TAOK1: variants seen among roughly 807,000 people sequenced by gnomAD.
TAOK1 encodes TAO kinase 1.
Under a neutral mutation model 138.3 loss-of-function variants are expected in TAOK1, and 21 were observed. The observed-to-expected ratio is 0.15, with a 90% CI of 0.11 to 0.22. The LOEUF (loss-of-function observed/expected upper bound fraction) is 0.22. Ranked by LOEUF, TAOK1 falls within the 10% of genes least tolerant of loss-of-function variation. The pLI, the probability that TAOK1 is intolerant of heterozygous loss-of-function variation, is 1.00. For missense variants in TAOK1, 651 were observed against 1,227.7 expected (o/e 0.53, Z 7.02); for synonymous variants, 361 against 398.4 (o/e 0.91, Z 1.12).
chr17:29,456,339 G>T (rs941921127), intron 2 of TAOK1, among the ~76,000 whole-genome samples: 6 of 150,000 alleles, frequency 4.0e-5, no homozygotes, highest in Non-Finnish European at 7.4e-5. Context: ...GGGATAGAGC[G>T]AGACTCTGTC....
intron 15 of TAOK1, chr17:29,511,209 CT>C: frequency 3.5e-6 from 1 of 286,720 alleles, no homozygotes. Context: ...TGAAAATATA[CT>C]TTTTTTATGT....
intron 1 of TAOK1, among the ~76,000 whole-genome samples, chr17:29,392,061 A>G (rs1904450312): frequency 6.6e-6 from 1 of 152,112 alleles, no homozygotes; most frequent in South Asian, 2.1e-4. Context: ...CTAAAAATAC[A>G]AAAAATTAGC....
intron 15 of TAOK1, chr17:29,512,705 C>CA (rs1835679409): frequency 1.5e-5 from 2 of 132,232 alleles, no homozygotes; most frequent in Admixed American, 1.6e-4. Context: ...TTTTTGGAGA[C>CA]AGAGTCTTGC....
chr17:29,508,803 T>G (rs1193434098), intron 14 of TAOK1, among the ~76,000 whole-genome samples: 1 of 152,198 alleles, frequency 6.6e-6, no homozygotes, highest in Non-Finnish European at 1.5e-5. Flanking sequence ...ATAATTGTCA[T>G]TATTTTACAT....
chr17:29,420,616 G>A (rs572679898), intron 1 of TAOK1, among the ~76,000 whole-genome samples: 12 of 112,302 alleles, frequency 1.1e-4, no homozygotes, highest in African/African-American at 3.6e-4. Flanking sequence ...ACGAAGTTTC[G>A]CTCTTGTTGC....
intron 3 of TAOK1, among the ~76,000 whole-genome samples, chr17:29,469,333 A>G (rs1019760884): frequency 6.6e-6 from 1 of 152,150 alleles, no homozygotes; most frequent in Admixed American, 6.5e-5. Flanking sequence ...AAAATACAAC[A>G]TAAAATTTGC....
intron 1 of TAOK1, among the ~76,000 whole-genome samples, chr17:29,393,849 A>T (rs1270666523): frequency 1.3e-5 from 2 of 152,192 alleles, no homozygotes; most frequent in African/African-American, 4.8e-5. Context: ...ACAAATTTAA[A>T]CTCTGAGAGG....
chr17:29,496,857 AT>A (rs975616822), intron 11 of TAOK1, among the ~76,000 whole-genome samples: 43 of 152,214 alleles, frequency 2.8e-4, no homozygotes, highest in African/African-American at 8.4e-4. Flanking sequence ...AAGTGCTAGG[AT>A]TACAGGTGTG....
chr17:29,419,512 A>T (rs1194874827), intron 1 of TAOK1, among the ~76,000 whole-genome samples: 32 of 120,224 alleles, frequency 2.7e-4, no homozygotes, highest in Non-Finnish European at 8.6e-5. Flanking sequence ...TTTTTTTGAG[A>T]TGTAATCTCT....
intron 12 of TAOK1, among the ~76,000 whole-genome samples, chr17:29,500,751 A>T (rs1204226492): frequency 1.3e-5 from 2 of 152,102 alleles, no homozygotes; most frequent in Non-Finnish European, 2.9e-5. Context: ...AAAAAAAAAA[A>T]AAACTGTGGT....
At chr17:29,495,445 A>G (rs1227679085) in intron 10 of TAOK1, 115 bp from the exon 11 acceptor site, 7 of 763,788 alleles carry the variant, frequency 9.2e-6, no homozygotes, top group Admixed American at 6.0e-5. Context: ...ACAGAATTAT[A>G]TAGCTATAGA....
At chr17:29,465,837 C>CTTTTTTTTTTTTTTATTTTTTTTTTTTTT (rs2030651528) in intron 2 of TAOK1, among the ~76,000 whole-genome samples, 1 of 45,434 alleles carries the variant, frequency 2.2e-5, no homozygotes, top group Non-Finnish European at 3.8e-5. Flanking sequence ...AGTTTCTGTG[C>CTTTTTTTTTTTTTTATTTTTTTTTTTTTT]TTTTTTTTTT....
At chr17:29,496,480 C>T (rs2031416067) in intron 11 of TAOK1, among the ~76,000 whole-genome samples, 2 of 147,780 alleles carry the variant, frequency 1.4e-5, no homozygotes. Context: ...TCTTGAATTA[C>T]AGAATGTGAA....
At chr17:29,475,202 G>A (rs1598497221) in intron 3 of TAOK1, among the ~76,000 whole-genome samples, 2 of 152,240 alleles carry the variant, frequency 1.3e-5, no homozygotes, top group East Asian at 3.9e-4. Flanking sequence ...GCCTCCCAAA[G>A]TGCTGGGATT....
At chr17:29,464,443 C>CAAAAAAAAAAAAA (rs375412745) in intron 2 of TAOK1, among the ~76,000 whole-genome samples, 1 of 60,574 alleles carries the variant, frequency 1.7e-5, no homozygotes. Flanking sequence ...GACTCCATCT[C>CAAAAAAAAAAAAA]AAAAAAAAAA....
intron 16 of TAOK1, among the ~76,000 whole-genome samples, 171 bp from the exon 17 acceptor site, chr17:29,522,106 GCTA>G (rs1024909974): frequency 3.3e-5 from 5 of 152,092 alleles, no homozygotes; most frequent in African/African-American, 1.2e-4. Flanking sequence ...GGAAATTTGT[GCTA>G]CTAATTGCCC....
rs1187461666 is a variant in TAOK1, at chr17:29,395,824, A to ATTTTTTTTTTTTT, written c.-95+4812_-95+4824dup. On this transcript the variant is annotated intron_variant, in intron 1 of 19. Coordinates refer to ENST00000261716, the MANE Select transcript of TAOK1 (RefSeq NM_020791.4). ...AGGTACATGCCACCACGTCTGGCTA[A>ATTTTTTTTTTTTT]TTTTTTTTTTTTTTTTTTTTTTTTG... is the stretch of plus-strand genomic sequence containing the variant. 6.5e-4 allele frequency among the ~76,000 whole-genome samples: 47 copies of ATTTTTTTTTTTTT among 72,100 alleles called. 4 individuals are homozygous for ATTTTTTTTTTTTT. Among genetic ancestry groups the ATTTTTTTTTTTTT allele is most frequent in the African/African-American group, 2.9e-3 (45 of 15,564 alleles). The allele number at this position is 72,100 out of a possible 152,430, so 47.3% of individuals were successfully genotyped here.
Position 29,548,288 on chromosome 17 carries a change from GAT to G in TAOK1, c.*5268_*5269del, listed in dbSNP as rs572285705. 25 of 152,184 alleles carry G rather than the reference GAT, an allele frequency of 1.6e-4. No individual in the cohort carries two copies. Among genetic ancestry groups the G allele is most frequent in the Admixed American group, 1.5e-3 (23 of 15,288 alleles). 9.4% of individuals were successfully genotyped at this position (152,184 alleles called of 1,614,324 possible). ...AACTTGCACTTCCTACCCACCCAAA[GAT>G]AGATATCCTTTAAAGAAAATAAAGG... On this transcript the variant is annotated 3_prime_UTR_variant, in exon 20 of 20. Coordinates refer to ENST00000261716, the MANE Select transcript of TAOK1 (RefSeq NM_020791.4).
At chr17:29,536,363 C>T (rs1324484560) in intron 19 of TAOK1, among the ~76,000 whole-genome samples, 3 of 151,348 alleles carry the variant, frequency 2.0e-5, no homozygotes, top group African/African-American at 7.3e-5. Context: ...TTTGGGAGGC[C>T]AAGGCGGGCG....
Sources: gnomAD v4.1 joint callset for allele counts (sites outside exome capture counted in the v4.1 genomes callset) on GRCh38, gnomAD v4.1.1 for gene constraint, MANE v1.5 for transcripts, NCBI Gene and HGNC (gene_info 2026-07-23, HGNC 2026-07-21) for gene names.